Variants in PPARG observed in about 807,000 individuals in gnomAD.
PPARG encodes peroxisome proliferator-activated receptor gamma.
In PPARG, 17 loss-of-function variants were observed where a neutral mutation model predicts 39.2. That is an observed-to-expected ratio of 0.43 (90% CI 0.30 to 0.65). The LOEUF (loss-of-function observed/expected upper bound fraction) is 0.65. Ranked by LOEUF, PPARG falls within the 30% of genes least tolerant of loss-of-function variation. The probability of loss-of-function intolerance (pLI) is 0.13; values close to 1 mark genes in which losing one functional copy is unlikely to be tolerated. For synonymous variants in PPARG, 223 were observed against 215.7 expected (o/e 1.03, Z -0.30); for missense variants, 406 against 585.9 (o/e 0.69, Z 3.17).
intron 2 of PPARG, chr3:12,372,045 C>T (rs1437868363): frequency 5.6e-6 from 4 of 718,054 alleles, no homozygotes; most frequent in Non-Finnish European, 1.0e-5. Context: ...ATTGAAAAAT[C>T]GGCGGTTAAG....
chr3:12,357,093 G>A (rs1469604067), intron 2 of PPARG, among the ~76,000 whole-genome samples: 1 of 152,038 alleles, frequency 6.6e-6, no homozygotes, highest in African/African-American at 2.4e-5. Context: ...CTCTTGATGG[G>A]GTTTTCAGCT....
At chr3:12,415,463 T>C (rs1049610261) in intron 6 of PPARG, among the ~76,000 whole-genome samples, 3 of 152,174 alleles carry the variant, frequency 2.0e-5, no homozygotes, top group Non-Finnish European at 4.4e-5. Flanking sequence ...GTGTATCCAG[T>C]GTAAGTAAAA....
At chr3:12,335,805 C>T (rs556762242) in intron 2 of PPARG, among the ~76,000 whole-genome samples, 1 of 151,998 alleles carries the variant, frequency 6.6e-6, no homozygotes, top group Admixed American at 6.6e-5. Flanking sequence ...CATCAATGAG[C>T]TAATCATTAG....
intron 1 of PPARG, among the ~76,000 whole-genome samples, chr3:12,304,089 C>G (rs2046997558): frequency 6.6e-6 from 1 of 152,106 alleles, no homozygotes; most frequent in Non-Finnish European, 1.5e-5. Flanking sequence ...CACTTATTTC[C>G]AACTTTAATA....
intron 1 of PPARG, chr3:12,297,900 G>A (rs2046827824): frequency 1.3e-5 from 2 of 152,046 alleles, no homozygotes; most frequent in South Asian, 2.1e-4. Flanking sequence ...CTGACAGAAT[G>A]TTGCACTTAT....
intron 2 of PPARG, among the ~76,000 whole-genome samples, chr3:12,363,194 A>G (rs751544351): frequency 1.4e-4 from 21 of 152,238 alleles, no homozygotes; most frequent in Non-Finnish European, 2.6e-4. Context: ...TGCTGGGATT[A>G]CAGGTGTGAG....
intron 5 of PPARG, among the ~76,000 whole-genome samples, chr3:12,393,108 C>A (rs546950505): frequency 6.6e-6 from 1 of 150,852 alleles, no homozygotes; most frequent in Non-Finnish European, 1.5e-5. Context: ...TCAGTAGTGT[C>A]GTTCTGCTTT....
intron 7 of PPARG, among the ~76,000 whole-genome samples, chr3:12,423,810 T>G (rs1431761335): frequency 2.0e-5 from 3 of 152,270 alleles, no homozygotes; most frequent in Non-Finnish European, 4.4e-5. Flanking sequence ...GTTGTTTTTC[T>G]CTCTTTTCTT....
At chr3:12,342,807 T>A (rs549394709) in intron 2 of PPARG, among the ~76,000 whole-genome samples, 55 of 151,770 alleles carry the variant, frequency 3.6e-4, no homozygotes, top group South Asian at 3.1e-3. Flanking sequence ...TTTTTTTTTT[T>A]AAACAAAAAA....
At chr3:12,372,190 C>T (rs2049242860) in intron 2 of PPARG, 2 of 716,442 alleles carry the variant, frequency 2.8e-6, no homozygotes, top group Non-Finnish European at 5.2e-6. Context: ...TAGTACATCC[C>T]CTGCCCCCCT....
intron 2 of PPARG, among the ~76,000 whole-genome samples, chr3:12,357,180 C>G (rs1486660674): frequency 6.6e-6 from 1 of 152,078 alleles, no homozygotes; most frequent in Non-Finnish European, 1.5e-5. Context: ...TCAGATCCGT[C>G]ACTCCACCCA....
intron 2 of PPARG, among the ~76,000 whole-genome samples, chr3:12,346,507 T>C (rs1232071615): frequency 2.0e-5 from 3 of 152,196 alleles, no homozygotes; most frequent in Non-Finnish European, 4.4e-5. Flanking sequence ...CACAGTAGGT[T>C]TGTGGCTGAG....
intron 2 of PPARG, among the ~76,000 whole-genome samples, chr3:12,325,144 T>C (rs1172707854): frequency 6.6e-6 from 1 of 151,266 alleles, no homozygotes; most frequent in African/African-American, 2.4e-5. Context: ...AAACATTGTC[T>C]GGGCGCAGTG....
intron 2 of PPARG, among the ~76,000 whole-genome samples, chr3:12,336,610 G>A (rs2048020457): frequency 6.6e-6 from 1 of 152,054 alleles, no homozygotes; most frequent in Non-Finnish European, 1.5e-5. Context: ...GTTTGCTGTG[G>A]ATAGATTCTC....
chr3:12,390,636 C>CTTTTTTT (rs1382187854), intron 4 of PPARG, among the ~76,000 whole-genome samples: 2 of 69,182 alleles, frequency 2.9e-5, no homozygotes, highest in Non-Finnish European at 5.1e-5. Flanking sequence ...GTATTTTCTT[C>CTTTTTTT]CTTTTTTTTT....
At chr3:12,370,490 T>C (rs1307284437) in intron 2 of PPARG, among the ~76,000 whole-genome samples, 1 of 152,188 alleles carries the variant, frequency 6.6e-6, no homozygotes, top group Admixed American at 6.5e-5. Flanking sequence ...TTCAAGTACA[T>C]GTGATAAAAG....
intron 5 of PPARG, among the ~76,000 whole-genome samples, chr3:12,397,652 T>C (rs1172720474): frequency 6.6e-6 from 1 of 151,906 alleles, no homozygotes; most frequent in African/African-American, 2.4e-5. Flanking sequence ...CCTCATGATC[T>C]GCCCACCTCA....
chr3:12,295,707 G>T (rs922994759), intron 1 of PPARG, among the ~76,000 whole-genome samples: 18 of 151,770 alleles, frequency 1.2e-4, no homozygotes, highest in African/African-American at 4.1e-4. Context: ...TAGAGACGGG[G>T]TTTCACCATG....
intron 7 of PPARG, 149 bp from the exon 8 acceptor site, chr3:12,433,749 C>A: frequency 9.0e-7 from 1 of 1,112,350 alleles, no homozygotes; most frequent in South Asian, 1.3e-5. Flanking sequence ...TATCTGCTTA[C>A]CCTTCCTCCC....
Sources: allele counts gnomAD v4.1 joint callset (sites outside exome capture counted in the v4.1 genomes callset), GRCh38; gene constraint gnomAD v4.1.1; transcripts MANE v1.5; gene names NCBI Gene and HGNC (gene_info 2026-07-23, HGNC 2026-07-21).